The following CASP6 variants were observed in gnomAD, a reference collection of about 807,000 sequenced individuals.
CASP6 encodes caspase 6.
A neutral mutation model predicts 31.8 loss-of-function variants in CASP6; 20 were observed. The ratio of observed to expected loss-of-function variants is 0.63; its 90% CI spans 0.44 to 0.91. The LOEUF is 0.91. Among genes scored for constraint, CASP6 ranks in the 40% least tolerant of loss-of-function variants. CASP6 has a pLI of 0.00. For missense variants in CASP6, 328 were observed against 361.1 expected (o/e 0.91, Z 0.74); for synonymous variants, 130 against 127.8 (o/e 1.02, Z -0.12).
At chr4:109,686,502 T>TA (rs1051358242), downstream of CASP6, among the ~76,000 whole-genome samples, 1 of 152,158 alleles carries the variant, frequency 6.6e-6, no homozygotes. Context: ...ATAATGCTTT[T>TA]AAAAAAAATT....
At chr4:109,684,276 A>AT (rs1391018426), downstream of CASP6, among the ~76,000 whole-genome samples, 1 of 151,962 alleles carries the variant, frequency 6.6e-6, no homozygotes, top group Non-Finnish European at 1.5e-5. Context: ...GTTAACCAGG[A>AT]TGGTCTCGAT....
chr4:109,706,164 TATATATAC>T (rs1561266909), upstream of CASP6, among the ~76,000 whole-genome samples: 28 of 90,636 alleles, frequency 3.1e-4, 1 homozygote, highest in African/African-American at 1.7e-3. Flanking sequence ...TATATATATA[TATATATAC>T]ACACACACAT....
chr4:109,698,277 A>G (rs754586908), intron 2 of CASP6, 23 bp downstream of exon 2: 2 of 1,599,990 alleles, frequency 1.3e-6, no homozygotes, highest in East Asian at 4.5e-5. Flanking sequence ...AGAGACCTTT[A>G]TTAGAAAAGA....
chr4:109,678,964 C>G, the CASP6 span, among the ~76,000 whole-genome samples: 1 of 149,888 alleles, frequency 6.7e-6, no homozygotes, highest in Non-Finnish European at 1.5e-5. Flanking sequence ...GCGCTCCTCA[C>G]TTCCCATTCG....
rs374800063 is a variant in CASP6 at position 109,698,312 on chromosome 4, G to C, written c.71C>G (p.Ala24Gly). The C allele has an allele frequency of 2.7e-5, 43 of 1,610,852 alleles. No homozygotes were observed. The highest frequency in any genetic ancestry group is 4.4e-5 in the South Asian group (4 of 90,216). The change falls in exon 2 of 7, where the codon GCC becomes GGC. Residue 24 changes from alanine to glycine, a missense_variant. By Grantham distance (60) the Ala-to-Gly change is moderately conservative. Transcript: ENST00000265164. ...AGCACAGCTTTACCTTTTATAGAAGGCATCTGTTTCTGTCATGTTTTCTTC... is the reference window on the plus strand; with the variant it reads ...AGCACAGCTTTACCTTTTATAGAAGCCATCTGTTTCTGTCATGTTTTCTTC... ...GGEENMTETD[A>G]FYKREMFDPA...
At chr4:109,670,726 A>AAAAAAG in the CASP6 span, among the ~76,000 whole-genome samples, 3 of 152,154 alleles carry the variant, frequency 2.0e-5, no homozygotes, top group Middle Eastern at 3.4e-3. Context: ...CTCCAAAAAA[A>AAAAAAG]AAAAAGAAAA....
At chr4:109,703,252 CG>C (rs759705556) in intron 1 of CASP6, 103 bp downstream of exon 1, 1 of 1,326,438 alleles carries the variant, frequency 7.5e-7, no homozygotes, top group Non-Finnish European at 1.0e-6. Flanking sequence ...AAGGAACCCG[CG>C]GCCCCACTCC....
chr4:109,667,681 C>G, the CASP6 span, among the ~76,000 whole-genome samples: 1 of 149,846 alleles, frequency 6.7e-6, no homozygotes, highest in Non-Finnish European at 1.5e-5. Context: ...TTTATTATCT[C>G]TTTTCTTCTG....
At chr4:109,673,615 T>TTA in the CASP6 span, among the ~76,000 whole-genome samples, 1 of 152,196 alleles carries the variant, frequency 6.6e-6, no homozygotes, top group Non-Finnish European at 1.5e-5. Flanking sequence ...AAAATGAAAT[T>TTA]TATAAAATTA....
intron 1 of CASP6, among the ~76,000 whole-genome samples, chr4:109,700,750 T>G (rs1442444811): frequency 6.6e-6 from 1 of 152,170 alleles, no homozygotes; most frequent in African/African-American, 2.4e-5. Context: ...CCAGGTCCAG[T>G]GGCCACTCTA....
At chr4:109,692,032 A>G (rs1730073489) in intron 5 of CASP6, 1 of 152,256 alleles carries the variant, frequency 6.6e-6, no homozygotes, top group Non-Finnish European at 1.5e-5. Context: ...CAGCCAGCCA[A>G]TAAGATTCTG....
At chr4:109,673,920 G>A in the CASP6 span, 7 of 779,082 alleles carry the variant, frequency 9.0e-6, no homozygotes, top group Middle Eastern at 3.5e-4. Flanking sequence ...AAGCTAAAGA[G>A]GCACCATTCG....
chr4:109,664,631 G>T, the CASP6 span, among the ~76,000 whole-genome samples: 1,623 of 152,080 alleles, frequency 0.011, 33 homozygotes, highest in African/African-American at 0.037. Context: ...TCCCTATGTT[G>T]TCCAGGCTGG....
At position 109,689,463 on chromosome 4, in the gene CASP6, G is replaced by C. The variant is rs755724113; in HGVS notation, c.749C>G (p.Thr250Arg). ...CTGAGAAACTTTCCTGTTCACCAGT[G>C]TGAGGAGTTCTGTGAACTCTAAGGA... ...GSSLEFTELL[T>R]LVNRKVSQRR... Residue 250 changes from threonine to arginine, a missense_variant, in exon 7 of 7, where the codon ACA becomes AGA. Transcript: ENST00000265164. 8 of 1,614,060 alleles carry C rather than the reference G, an allele frequency of 5.0e-6. No individual in the cohort carries two copies. The African/African-American group carries it at 1.1e-4, about 22-fold the overall frequency.
chr4:109,706,131 T>TATATATATATATATATATA (rs60918624), upstream of CASP6, among the ~76,000 whole-genome samples: 22 of 36,090 alleles, frequency 6.1e-4, 2 homozygotes, highest in African/African-American at 1.7e-3. Context: ...CCTATCCATT[T>TATATATATATATATATATA]TATATATATA....
the CASP6 span, among the ~76,000 whole-genome samples, chr4:109,679,195 C>T: frequency 6.6e-6 from 1 of 152,140 alleles, no homozygotes; most frequent in Non-Finnish European, 1.5e-5. Context: ...CTCCTCACAT[C>T]CCAGACGATG....
At chr4:109,708,673 T>C in the CASP6 span, among the ~76,000 whole-genome samples, 2 of 152,210 alleles carry the variant, frequency 1.3e-5, no homozygotes, top group African/African-American at 4.8e-5. Context: ...AAAGAGCAGA[T>C]GGAAGGAATT....
Position 109,689,162 on chromosome 4 carries a change from G to A in CASP6, c.*168C>T. Reference sequence around the variant, plus strand: ...AGCTAAATTTTTTTTTGCATTTTTAGTAGAGACGGGGCTTCTCCATGTTGG... The same window carrying A: ...AGCTAAATTTTTTTTTGCATTTTTAATAGAGACGGGGCTTCTCCATGTTGG... On this transcript the variant is annotated 3_prime_UTR_variant, in exon 7 of 7. Transcript: ENST00000265164. The A allele has an allele frequency of 1.6e-6, 1 of 609,138 alleles. No homozygotes were observed. The highest frequency in any genetic ancestry group is 2.9e-6 in the Non-Finnish European group (1 of 343,282). 37.7% of individuals were successfully genotyped at this position (609,138 alleles called of 1,614,324 possible).
chr4:109,668,508 T>C, the CASP6 span, among the ~76,000 whole-genome samples: 1 of 152,138 alleles, frequency 6.6e-6, no homozygotes, highest in African/African-American at 2.4e-5. Context: ...ATCCCTTTGC[T>C]TTTCATCTAT....
Sources: allele counts gnomAD v4.1 joint callset (sites outside exome capture counted in the v4.1 genomes callset), GRCh38; gene constraint gnomAD v4.1.1; transcripts MANE v1.5; gene names NCBI Gene and HGNC (gene_info 2026-07-23, HGNC 2026-07-21).